The following SLC34A2 variants were observed in gnomAD, a reference collection of about 807,000 sequenced individuals.
SLC34A2 encodes the protein sodium-dependent phosphate transport protein 2B.
In SLC34A2, 41 loss-of-function variants were observed where a neutral mutation model predicts 50.8. That is an observed-to-expected ratio of 0.81 (90% CI 0.63 to 1.05). The LOEUF is 1.05. SLC34A2 is among the 50% of genes least tolerant of loss of function. The pLI, the probability that SLC34A2 is intolerant of heterozygous loss-of-function variation, is 0.00. For synonymous variants in SLC34A2, 401 were observed against 364.2 expected (o/e 1.10, Z -1.15); for missense variants, 879 against 876.7 (o/e 1.00, Z -0.03).
chr4:25,678,669 C>T lies in SLC34A2; in HGVS notation c.*1920C>T, dbSNP rs991719653. The T allele has an allele frequency of 1.1e-4, 48 of 424,228 alleles. No individual in the cohort carries two copies. The highest frequency in any genetic ancestry group is 8.7e-4 in the South Asian group (29 of 33,440). 26.3% of individuals were successfully genotyped at this position (424,228 alleles called of 1,614,324 possible). On this transcript the variant is annotated 3_prime_UTR_variant, in exon 13 of 13. Transcript: ENST00000382051. The stretch of plus-strand genomic sequence containing the variant: ...GTGCTGAGATCACAGGCGTGAGCCA[C>T]CACCAGGCCTGATTGTAATTTTTTT...
chr4:25,660,230 G>A (rs1176336562), intron 1 of SLC34A2, among the ~76,000 whole-genome samples: 8 of 152,214 alleles, frequency 5.3e-5, no homozygotes, highest in African/African-American at 1.4e-4. Flanking sequence ...TTGCAGTCTG[G>A]TAAGCAGGAA....
intron 3 of SLC34A2, among the ~76,000 whole-genome samples, 188 bp downstream of exon 3, chr4:25,663,030 A>T (rs533341501): frequency 1.3e-4 from 19 of 151,564 alleles, no homozygotes; most frequent in Admixed American, 1.3e-3. Context: ...GCTGGAGTGC[A>T]GTGGTGCGAT....
In SLC34A2 at chr4:25,674,585, G is replaced by A; in HGVS notation, c.1414G>A (p.Ala472Thr). 2 of 1,614,226 alleles carry A rather than the reference G, an allele frequency of 1.2e-6. No individual in the cohort carries two copies. The highest frequency in any genetic ancestry group is 1.7e-6 in the Non-Finnish European group (2 of 1,180,038). Reference protein sequence around the residue: ...NIGTTTTAILAALASPGNALR... With the variant: ...NIGTTTTAILTALASPGNALR... The stretch of plus-strand genomic sequence containing the variant: ...CGGCACCACCACCACCGCCATCCTG[G>A]CCGCCTTAGCCAGCCCTGGCAATGC... The change falls in exon 12 of 13, where the codon GCC (alanine) becomes ACC (threonine). Residue 472 changes from alanine (A) to threonine (T), a missense_variant. Transcript: ENST00000382051.
rs1359260612 is a variant in SLC34A2, at chr4:25,678,461, G to GTA, written c.*1718_*1719dup. On this transcript the variant is annotated 3_prime_UTR_variant, in exon 13 of 13. Coordinates refer to ENST00000382051, the MANE Select transcript of SLC34A2 (RefSeq NM_006424.3). ...TGGCCATGCCTGCCCCGCCCACTCT[G>GTA]TATATATGTAAGTTAAACCCGGGCA... The GTA allele has an allele frequency of 6.0e-6, 1 of 166,084 alleles. No homozygotes were observed. Among genetic ancestry groups the GTA allele is most frequent in the East Asian group, 1.6e-4 (1 of 6,174 alleles). The allele number at this position is 166,084 out of a possible 1,614,324, so 10.3% of individuals were successfully genotyped here.
In SLC34A2 at chr4:25,674,501, C is replaced by G. The variant is rs200812831; in HGVS notation, c.1334-4C>G. Reference sequence around the variant, plus strand: ...GATATGTTTGTGTTTTGTGTTTCCCCCAGGAATCGGCGTGATAACCATTGA... The same window carrying G: ...GATATGTTTGTGTTTTGTGTTTCCCGCAGGAATCGGCGTGATAACCATTGA... On this transcript the variant is annotated splice_region_variant and splice_polypyrimidine_tract_variant and intron_variant, in intron 11 of 12. Transcript: ENST00000382051. 22 of 1,614,202 alleles carry G rather than the reference C, an allele frequency of 1.4e-5. No individual in the cohort carries two copies. The African/African-American group carries it at 2.8e-4, about 21-fold the overall frequency.
At chr4:25,657,394 C>T (rs535290624) in intron 1 of SLC34A2, among the ~76,000 whole-genome samples, 2 of 152,172 alleles carry the variant, frequency 1.3e-5, no homozygotes, top group South Asian at 4.2e-4. Context: ...ATCAGGACAT[C>T]CCAGGGAATT....
At chr4:25,657,577 TATCATAAATACAA>T (rs1194372696) in intron 1 of SLC34A2, among the ~76,000 whole-genome samples, 1 of 152,220 alleles carries the variant, frequency 6.6e-6, no homozygotes, top group Non-Finnish European at 1.5e-5. Flanking sequence ...TATTTTAAGA[TATCATAAATACAA>T]ATTGATAGTG....
chr4:25,676,391 T>A lies in SLC34A2; in HGVS notation c.1715T>A (p.Leu572His), dbSNP rs144863385. Residue 572 changes from leucine to histidine, a missense_variant, in exon 13 of 13, where the codon CTC becomes CAC. Transcript: ENST00000382051. Reference sequence around the variant, plus strand: ...TTCATCATCATCCTGGTACTGTGCCTCCGACTCCTGCAGTCTCGCTGCCCA... The same window carrying A: ...TTCATCATCATCCTGGTACTGTGCCACCGACTCCTGCAGTCTCGCTGCCCA... ...VVFIIILVLC[L>H]RLLQSRCPRV... The A allele has an allele frequency of 4.3e-6, 7 of 1,613,988 alleles. No individual in the cohort carries two copies. In the African/African-American group the frequency reaches 6.7e-5, roughly 15 times the overall value.
rs1203284366 is a variant in SLC34A2 at position 25,662,568 on chromosome 4, G to A, written c.68G>A (p.Gly23Asp). 3 of 1,614,094 alleles carry A rather than the reference G, an allele frequency of 1.9e-6. No individual in the cohort carries two copies. Among genetic ancestry groups the A allele is most frequent in the Admixed American group, 3.3e-5 (2 of 60,012 alleles). The change falls in exon 2 of 13, where the codon GGT (glycine) becomes GAT (aspartate). Residue 23 changes from glycine to aspartate, a missense_variant. Gly to Asp is a moderately conservative substitution (Grantham distance 94). Coordinates refer to ENST00000382051, the MANE Select transcript of SLC34A2 (RefSeq NM_006424.3). ...GATAAGTACCTCGAAGGGGCCGCAG[G>A]TCAGCAGCCCACTGCCCCTGATAAA... ...NPDKYLEGAA[G>D]QQPTAPDKSK... is the part of the protein sequence containing the mutation.
At chr4:25,658,624 G>T (rs1714011330) in intron 1 of SLC34A2, among the ~76,000 whole-genome samples, 3 of 152,254 alleles carry the variant, frequency 2.0e-5, no homozygotes, top group Admixed American at 6.5e-5. Flanking sequence ...GGTGCAGGAA[G>T]TGGAGCCAAG....
Position 25,669,896 on chromosome 4 carries a change from C to G in SLC34A2, c.831+54C>G, listed in dbSNP as rs1359268492. ...AGACTAACTTCCTACCCACAACATC[C>G]CCTACCTGAGCTGACAGATATAGAG... On this transcript the variant is annotated intron_variant, in intron 7 of 12. Coordinates refer to ENST00000382051, the MANE Select transcript of SLC34A2 (RefSeq NM_006424.3). 18 of 1,439,904 alleles carry G rather than the reference C, an allele frequency of 1.3e-5. No individual in the cohort carries two copies. The Admixed American group carries it at 3.0e-4, about 24-fold the overall frequency. 89.2% of individuals were successfully genotyped at this position (1,439,904 alleles called of 1,614,324 possible). A position where few individuals can be genotyped will look rare whatever the true frequency, so the allele number is the denominator to read the frequency against.
Position 25,673,118 on chromosome 4 carries a change from G to A in SLC34A2, c.1080G>A (p.Pro360=), listed in dbSNP as rs546457472. The change falls in exon 10 of 13, where the codon CCG becomes CCA. Residue 360 remains proline, a synonymous_variant. Coordinates refer to ENST00000382051, the MANE Select transcript of SLC34A2 (RefSeq NM_006424.3). ...CQHIFVNFHL[P]DLAVGTILLI... is the part of the protein sequence containing the mutation. ...ATATCTTTGTGAATTTCCACCTCCC[G>A]GATCTTGCTGTGGGCACCATCTTGC... 51 of 1,614,018 alleles carry A rather than the reference G, an allele frequency of 3.2e-5. No homozygotes were observed. The highest frequency in any genetic ancestry group is 1.3e-4 in the African/African-American group (10 of 74,984).
chr4:25,667,879 G>C lies in SLC34A2; in HGVS notation c.524-1G>C, dbSNP rs1227726442. The C allele has an allele frequency of 2.5e-6, 4 of 1,605,904 alleles. No homozygotes were observed. The East Asian group carries it at 6.7e-5, about 27-fold the overall frequency. On this transcript the variant is annotated splice_acceptor_variant, in intron 5 of 12. Coordinates refer to ENST00000382051, the MANE Select transcript of SLC34A2 (RefSeq NM_006424.3). LOFTEE classifies it high-confidence loss of function. ...GCTAATGGTACTTTTCCATCCTCTA[G>C]TGCTCACTGTTCGGGCTGCCATCCC...
At chr4:25,663,375 G>A (rs1362888403) in intron 3 of SLC34A2, among the ~76,000 whole-genome samples, 3 of 152,162 alleles carry the variant, frequency 2.0e-5, no homozygotes, top group South Asian at 2.1e-4. Flanking sequence ...CTTATAATTC[G>A]CTGTGGGTGA....
intron 3 of SLC34A2, 76 bp from the exon 4 acceptor site, chr4:25,664,126 T>G (rs1479247110): frequency 2.0e-6 from 3 of 1,502,588 alleles, no homozygotes; most frequent in Non-Finnish European, 2.8e-6. Context: ...CTGAGCTCAT[T>G]GCCAAACTTC....
rs750852077 is a variant in SLC34A2 at position 25,676,142 on chromosome 4, T to C, written c.1466T>C (p.Leu489Pro). ...NALRSSLQIA[L>P]CHFFFNISGI... ...CAACCTCTTGTGTTGCAGATCGCCCTGTGCCACTTTTTCTTCAACATCTCC... is the reference window on the plus strand; with the variant it reads ...CAACCTCTTGTGTTGCAGATCGCCCCGTGCCACTTTTTCTTCAACATCTCC... Residue 489 changes from leucine to proline, a missense_variant, in exon 13 of 13, where the codon CTG becomes CCG. Transcript: ENST00000382051. 1 of 1,614,066 alleles carries C rather than the reference T, an allele frequency of 6.2e-7. No homozygotes were observed. Among genetic ancestry groups the C allele is most frequent in the South Asian group, 1.1e-5 (1 of 91,088 alleles).
intron 1 of SLC34A2, among the ~76,000 whole-genome samples, chr4:25,657,567 T>A (rs1455605574): frequency 2.0e-5 from 3 of 152,234 alleles, no homozygotes; most frequent in Non-Finnish European, 4.4e-5. Flanking sequence ...TTACAGGATT[T>A]ATTTTAAGAT....
intron 12 of SLC34A2, among the ~76,000 whole-genome samples, chr4:25,675,122 C>T (rs1336935182): frequency 6.6e-6 from 1 of 152,010 alleles, no homozygotes; most frequent in Non-Finnish European, 1.5e-5. Flanking sequence ...ACCTCCACCT[C>T]CCAGGTTCAA....
Position 25,676,696 on chromosome 4 carries a change from G to C in SLC34A2, c.2020G>C (p.Ala674Pro), listed in dbSNP as rs754721602. The change falls in exon 13 of 13, where the codon GCT becomes CCT. Residue 674 changes from alanine to proline, a missense_variant. Physicochemically the swap from Ala to Pro is conservative, Grantham distance 27. Coordinates refer to ENST00000382051, the MANE Select transcript of SLC34A2 (RefSeq NM_006424.3). ...TGATAACATAACCATTAGCAGAGAG[G>C]CTCAGGGTGAGGTCCCTGCCTCGGA... ...TFDNITISRE[A>P]QGEVPASDSK... 18 of 1,614,074 alleles carry C rather than the reference G, an allele frequency of 1.1e-5. No individual in the cohort carries two copies. The highest frequency in any genetic ancestry group is 1.5e-5 in the Non-Finnish European group (18 of 1,180,036).
Sources: gnomAD v4.1 joint callset for allele counts (sites outside exome capture counted in the v4.1 genomes callset) on GRCh38, gnomAD v4.1.1 for gene constraint, MANE v1.5 for transcripts, NCBI Gene and HGNC (gene_info 2026-07-23, HGNC 2026-07-21) for gene names.